NXPH1: variants seen among roughly 807,000 people sequenced by gnomAD.
NXPH1 encodes neurexophilin-1.
A neutral mutation model predicts 23.7 loss-of-function variants in NXPH1; 5 were observed. That is an observed-to-expected ratio of 0.21 (90% CI 0.11 to 0.44). NXPH1 has a LOEUF of 0.44. Ranked by LOEUF, NXPH1 falls within the 20% of genes least tolerant of loss-of-function variation. NXPH1 has a pLI of 0.99. For missense variants in NXPH1, 324 were observed against 321.6 expected, an observed-to-expected ratio of 1.01 and a Z score of -0.06; for synonymous variants, 144 against 122.2, an observed-to-expected ratio of 1.18 and a Z score of -1.18.
chr7:8,678,928 A>ATTTTT lies in NXPH1; in HGVS notation c.55-72049_55-72045dup, dbSNP rs540056222. On this transcript the variant is annotated intron_variant, in intron 2 of 2. Coordinates refer to ENST00000405863, the MANE Select transcript of NXPH1 (RefSeq NM_152745.3). ...TCTAGATTTATCTTTGCTTTATCCAATTTTTTTTTTTTTTTTTTTTTTTTT... is the reference window on the plus strand; with the variant it reads ...TCTAGATTTATCTTTGCTTTATCCAATTTTTTTTTTTTTTTTTTTTTTTTTTTTTT... Among the ~76,000 whole-genome samples, 625 of 68,800 alleles carry ATTTTT rather than the reference A, an allele frequency of 9.1e-3. 68 individuals carry two copies. The highest frequency in any genetic ancestry group is 0.015 in the African/African-American group (200 of 13,548). 45.1% of individuals were successfully genotyped at this position (68,800 alleles called of 152,430 possible). A position where few individuals can be genotyped will look rare whatever the true frequency, so the allele number is the denominator to read the frequency against.
intron 2 of NXPH1, among the ~76,000 whole-genome samples, chr7:8,692,057 A>G (rs1043235926): frequency 6.6e-6 from 1 of 151,970 alleles, no homozygotes; most frequent in Non-Finnish European, 1.5e-5. Flanking sequence ...CCAGCTTGGC[A>G]GGTTCTAGGC....
intron 2 of NXPH1, among the ~76,000 whole-genome samples, chr7:8,696,840 C>CACAAAA (rs1779528469): frequency 1.0e-5 from 1 of 96,988 alleles, no homozygotes; most frequent in Non-Finnish European, 2.0e-5. Flanking sequence ...GACTCCCTCT[C>CACAAAA]AAAAAAAAAA....
In NXPH1 at chr7:8,613,587, G is replaced by A. The variant is rs527870835; in HGVS notation, c.55-137421G>A. On this transcript the variant is annotated intron_variant, in intron 2 of 2. Transcript: ENST00000405863. Reference sequence around the variant, plus strand: ...AGATTAGGGAAAATGACTGGTTAATGTAGGATATCTTTGTAAAAAGGGACC... The same window carrying A: ...AGATTAGGGAAAATGACTGGTTAATATAGGATATCTTTGTAAAAAGGGACC... Among the ~76,000 whole-genome samples, 4 of 152,076 alleles carry A rather than the reference G, an allele frequency of 2.6e-5. No homozygotes were observed. In the South Asian group the frequency reaches 6.2e-4, roughly 24 times the overall value.
chr7:8,545,992 T>C (rs1336667286), intron 2 of NXPH1, among the ~76,000 whole-genome samples: 1 of 151,560 alleles, frequency 6.6e-6, no homozygotes, highest in Non-Finnish European at 1.5e-5. Context: ...GTTGTACTTT[T>C]GATTTCACCG....
chr7:8,504,254 T>C (rs1262504191), intron 2 of NXPH1, among the ~76,000 whole-genome samples: 1 of 152,036 alleles, frequency 6.6e-6, no homozygotes, highest in East Asian at 1.9e-4. Flanking sequence ...ATTCTCAACC[T>C]CCACCCTATT....
chr7:8,576,189 G>A (rs1562408597), intron 2 of NXPH1, among the ~76,000 whole-genome samples: 1 of 152,062 alleles, frequency 6.6e-6, no homozygotes, highest in Non-Finnish European at 1.5e-5. Context: ...TGTATTCTAG[G>A]CATATGTTTG....
At chr7:8,464,590 A>G (rs942239965) in intron 2 of NXPH1, among the ~76,000 whole-genome samples, 6 of 152,172 alleles carry the variant, frequency 3.9e-5, no homozygotes, top group Admixed American at 2.0e-4. Context: ...TGCCTGTAGG[A>G]GTCAAGAAGA....
chr7:8,690,724 A>C (rs928546234), intron 2 of NXPH1, among the ~76,000 whole-genome samples: 3 of 152,242 alleles, frequency 2.0e-5, no homozygotes, highest in African/African-American at 7.2e-5. Flanking sequence ...TTTTGACAGC[A>C]AACTTGAGAA....
chr7:8,467,412 CTGTT>C (rs1816803435), intron 2 of NXPH1, among the ~76,000 whole-genome samples: 1 of 152,138 alleles, frequency 6.6e-6, no homozygotes, highest in Non-Finnish European at 1.5e-5. Flanking sequence ...AGCTTCCTGT[CTGTT>C]CTGAGATATT....
intron 2 of NXPH1, among the ~76,000 whole-genome samples, chr7:8,504,445 A>G (rs1817488811): frequency 6.6e-6 from 1 of 151,968 alleles, no homozygotes; most frequent in Non-Finnish European, 1.5e-5. Context: ...AGATTTACTG[A>G]GCAGAAATTT....
At chr7:8,505,154 C>T (rs544506914) in intron 2 of NXPH1, among the ~76,000 whole-genome samples, 23 of 152,036 alleles carry the variant, frequency 1.5e-4, no homozygotes, top group Admixed American at 1.2e-3. Flanking sequence ...TCAGTGTTTT[C>T]CTCATATTAA....
At position 8,659,009 on chromosome 7, in the gene NXPH1, T is replaced by A. The variant is rs372856670; in HGVS notation, c.55-91999T>A. On this transcript the variant is annotated intron_variant, in intron 2 of 2. Coordinates refer to ENST00000405863, the MANE Select transcript of NXPH1 (RefSeq NM_152745.3). ...AATATGTATATATATATATATATTT[T>A]TTTTTTTTTTTGCTAAAACAGAAAA... Among the ~76,000 whole-genome samples the A allele has an allele frequency of 0.011, 872 of 80,108 alleles. 326 individuals carry two copies. In the East Asian group the frequency reaches 0.25, roughly 23 times the overall value. The allele number at this position is 80,108 out of a possible 152,430, so 52.6% of individuals were successfully genotyped here.
At chr7:8,448,203 A>C (rs143224184) in intron 2 of NXPH1, among the ~76,000 whole-genome samples, 1,992 of 152,292 alleles carry the variant, frequency 0.013, 44 homozygotes, top group African/African-American at 0.046. Context: ...AATACCTCCC[A>C]CCCATTAGAG....
intron 2 of NXPH1, among the ~76,000 whole-genome samples, chr7:8,540,861 C>G (rs1818104854): frequency 6.6e-6 from 1 of 151,720 alleles, no homozygotes; most frequent in African/African-American, 2.4e-5. Context: ...TGAAGAATAA[C>G]TAACCCATGA....
intron 2 of NXPH1, among the ~76,000 whole-genome samples, chr7:8,559,650 G>T (rs749899089): frequency 6.6e-6 from 1 of 151,664 alleles, no homozygotes; most frequent in Non-Finnish European, 1.5e-5. Context: ...ATTCAGTGTT[G>T]ATAGAAGGCT....
At chr7:8,615,420 A>T in intron 2 of NXPH1, among the ~76,000 whole-genome samples, 1 of 152,080 alleles carries the variant, frequency 6.6e-6, no homozygotes, top group East Asian at 1.9e-4. Flanking sequence ...GGGATAATTT[A>T]AATGAGTACA....
chr7:8,452,235 G>A (rs1337646529), intron 2 of NXPH1, among the ~76,000 whole-genome samples: 2 of 152,168 alleles, frequency 1.3e-5, no homozygotes, highest in Admixed American at 6.5e-5. Context: ...AAACATTAGA[G>A]TACTTTCCTT....
intron 2 of NXPH1, among the ~76,000 whole-genome samples, chr7:8,644,529 TTTC>T (rs1427627189): frequency 6.6e-6 from 1 of 152,170 alleles, no homozygotes; most frequent in Non-Finnish European, 1.5e-5. Context: ...GATGGCATTT[TTTC>T]TTCTTGATGA....
chr7:8,484,696 G>A (rs75208763), intron 2 of NXPH1, among the ~76,000 whole-genome samples: 4 of 152,108 alleles, frequency 2.6e-5, no homozygotes, highest in Non-Finnish European at 4.4e-5. Flanking sequence ...CTTTTGAGAA[G>A]TAGTAATAGG....
Sources: allele counts gnomAD v4.1 joint callset (sites outside exome capture counted in the v4.1 genomes callset), GRCh38; gene constraint gnomAD v4.1.1; transcripts MANE v1.5; gene names NCBI Gene and HGNC (gene_info 2026-07-23, HGNC 2026-07-21).